The following TUSC3 variants were observed in gnomAD, a reference collection of about 807,000 sequenced individuals.
TUSC3 encodes tumor suppressor candidate 3, also known as dolichyl-diphosphooligosaccharide--protein glycosyltransferase subunit TUSC3.
A neutral mutation model predicts 44.8 loss-of-function variants in TUSC3; 45 were observed. That is an observed-to-expected ratio of 1.00 (90% CI 0.79 to 1.29). TUSC3 has a LOEUF of 1.29. Among genes scored for constraint, TUSC3 ranks in the 50% most tolerant of loss-of-function variants. The pLI, the probability that TUSC3 is intolerant of heterozygous loss-of-function variation, is 0.00. For synonymous variants in TUSC3, 212 were observed against 152.9 expected (o/e 1.39, Z -2.85); for missense variants, 519 against 437.9 (o/e 1.19, Z -1.65).
chr8:15,491,630 C>G (rs1424998966), intron 2 of TUSC3, among the ~76,000 whole-genome samples: 1 of 152,156 alleles, frequency 6.6e-6, no homozygotes, highest in Non-Finnish European at 1.5e-5. Context: ...GGAAGTGATT[C>G]TCTAACCCTT....
intron 9 of TUSC3, among the ~76,000 whole-genome samples, chr8:15,755,757 G>C (rs1403365106): frequency 6.6e-6 from 1 of 152,064 alleles, no homozygotes; most frequent in African/African-American, 2.4e-5. Flanking sequence ...AGTAGAAGGT[G>C]TTATGTTCAG....
At chr8:15,627,767 T>C (rs1805581754) in intron 2 of TUSC3, among the ~76,000 whole-genome samples, 1 of 152,238 alleles carries the variant, frequency 6.6e-6, no homozygotes, top group Non-Finnish European at 1.5e-5. Context: ...CGCCCTGCTC[T>C]AGCCAGCATG....
At chr8:15,624,627 A>G (rs1427812952) in intron 2 of TUSC3, among the ~76,000 whole-genome samples, 2 of 152,122 alleles carry the variant, frequency 1.3e-5, no homozygotes, top group African/African-American at 2.4e-5. Context: ...GTATCTGTTC[A>G]TAGTCTTCTG....
the TUSC3 span, among the ~76,000 whole-genome samples, chr8:15,820,488 T>G: frequency 6.6e-6 from 1 of 151,880 alleles, no homozygotes; most frequent in East Asian, 1.9e-4. Flanking sequence ...CCCAGCTAAT[T>G]TTTGTATTTT....
intron 6 of TUSC3, among the ~76,000 whole-genome samples, chr8:15,678,319 C>G (rs1462289443): frequency 6.6e-6 from 1 of 151,988 alleles, no homozygotes; most frequent in Admixed American, 6.6e-5. Context: ...CTGGAACACA[C>G]TAAGGCATTA....
intron 1 of TUSC3, among the ~76,000 whole-genome samples, chr8:15,577,506 G>A (rs971285712): frequency 4.0e-5 from 6 of 150,578 alleles, no homozygotes; most frequent in Non-Finnish European, 8.9e-5. Context: ...TGTAAGGAAG[G>A]GATCCAGTTT....
chr8:15,814,181 A>G, the TUSC3 span, among the ~76,000 whole-genome samples: 4 of 152,264 alleles, frequency 2.6e-5, no homozygotes, highest in African/African-American at 7.2e-5. Context: ...TTAAGAACTC[A>G]ATTTAATGTT....
chr8:15,493,783 G>C (rs186552919), intron 2 of TUSC3, among the ~76,000 whole-genome samples: 120 of 152,252 alleles, frequency 7.9e-4, no homozygotes, highest in Non-Finnish European at 1.3e-3. Context: ...CTTACATTAA[G>C]TGTACGTCTG....
chr8:15,838,354 T>A, the TUSC3 span, among the ~76,000 whole-genome samples: 14 of 152,162 alleles, frequency 9.2e-5, no homozygotes, highest in Admixed American at 8.5e-4. Context: ...CATTCAGAGT[T>A]TTAGAAGGCT....
the TUSC3 span, among the ~76,000 whole-genome samples, chr8:15,796,846 T>C: frequency 1.3e-5 from 2 of 152,144 alleles, no homozygotes; most frequent in African/African-American, 4.8e-5. Context: ...CAACTTGTCA[T>C]TGATTCCAAA....
chr8:15,672,935 C>T (rs145907602), intron 5 of TUSC3, among the ~76,000 whole-genome samples: 1 of 151,990 alleles, frequency 6.6e-6, no homozygotes, highest in South Asian at 2.1e-4. Context: ...AGTGATTGGG[C>T]AAGTTATAGG....
At chr8:15,849,320 T>G in the TUSC3 span, among the ~76,000 whole-genome samples, 1 of 152,142 alleles carries the variant, frequency 6.6e-6, no homozygotes, top group Admixed American at 6.6e-5. Context: ...AACCAAACAT[T>G]TAGAGTCACA....
chr8:15,551,214 C>T (rs143871010), intron 1 of TUSC3, among the ~76,000 whole-genome samples: 1 of 151,564 alleles, frequency 6.6e-6, no homozygotes, highest in African/African-American at 2.4e-5. Context: ...GTTTTTCTGG[C>T]ATATCTTTAA....
chr8:15,743,751 C>G (rs1811292840), intron 8 of TUSC3, 139 bp downstream of exon 8: 1 of 963,634 alleles, frequency 1.0e-6, no homozygotes, highest in African/African-American at 1.6e-5. Context: ...TAACTTTTTT[C>G]TATTGCTGGG....
the TUSC3 span, among the ~76,000 whole-genome samples, chr8:15,800,328 G>C: frequency 0.43 from 65,034 of 151,996 alleles, 14,290 homozygotes; most frequent in Non-Finnish European, 0.48. Flanking sequence ...CAGCACTAAG[G>C]CTGGGAGGCT....
chr8:15,631,279 G>A (rs933433329), intron 2 of TUSC3, among the ~76,000 whole-genome samples: 3 of 152,144 alleles, frequency 2.0e-5, no homozygotes, highest in African/African-American at 7.2e-5. Context: ...ACTTTAGTGT[G>A]TTAACTTTCT....
chr8:15,438,493 G>T (rs1799979953), intron 1 of TUSC3, among the ~76,000 whole-genome samples: 1 of 152,172 alleles, frequency 6.6e-6, no homozygotes, highest in African/African-American at 2.4e-5. Context: ...TATTGTTTCT[G>T]CTGAGAATTT....
chr8:15,723,024 A>T (rs1422192367), intron 6 of TUSC3, among the ~76,000 whole-genome samples: 1 of 152,122 alleles, frequency 6.6e-6, no homozygotes, highest in East Asian at 1.9e-4. Context: ...ATTGTGTAGG[A>T]GTTTCCATAT....
chr8:15,614,714 TG>T (rs1804915699), intron 1 of TUSC3, among the ~76,000 whole-genome samples: 1 of 152,174 alleles, frequency 6.6e-6, no homozygotes, highest in Non-Finnish European at 1.5e-5. Flanking sequence ...TAAGTTTTCA[TG>T]ACATTTAAAT....
Sources: gnomAD v4.1 joint callset for allele counts (sites outside exome capture counted in the v4.1 genomes callset) on GRCh38, gnomAD v4.1.1 for gene constraint, MANE v1.5 for transcripts, NCBI Gene and HGNC (gene_info 2026-07-23, HGNC 2026-07-21) for gene names.